Variants in TDRKH observed in about 807,000 individuals in gnomAD.
TDRKH encodes the protein tudor and KH domain-containing protein.
A neutral mutation model predicts 61.3 loss-of-function variants in TDRKH; 28 were observed. That is an observed-to-expected ratio of 0.46 (90% CI 0.34 to 0.63). The LOEUF (loss-of-function observed/expected upper bound fraction) is 0.63, where lower values mean the gene tolerates loss of function less well. Among genes scored for constraint, TDRKH ranks in the 20% least tolerant of loss-of-function variants. The probability of loss-of-function intolerance (pLI) is 0.01; values close to 1 mark genes in which losing one functional copy is unlikely to be tolerated. For missense variants in TDRKH, 540 were observed against 683.4 expected, an observed-to-expected ratio of 0.79 and a Z score of 2.34; for synonymous variants, 219 against 244.4, an observed-to-expected ratio of 0.90 and a Z score of 0.97.
rs549315856 is a variant in TDRKH, at chr1:151,783,029, C to T, written c.-7G>A. ...AAGTCCGTTCAGTAGACATTTTCTG[C>T]TGTACTCTTTGACTTATATCCTGAA... On this transcript the variant is annotated 5_prime_UTR_variant, in exon 2 of 13. Transcript: ENST00000368824. The T allele has an allele frequency of 1.2e-6, 2 of 1,611,542 alleles. No individual in the cohort carries two copies. The highest frequency in any genetic ancestry group is 2.2e-5 in the East Asian group (1 of 44,766).
At chr1:151,785,620 G>T (rs1650241627) in intron 1 of TDRKH, among the ~76,000 whole-genome samples, 1 of 152,148 alleles carries the variant, frequency 6.6e-6, no homozygotes, top group Non-Finnish European at 1.5e-5. Flanking sequence ...CCATAGAAGA[G>T]TACCCATGCT....
At chr1:151,766,757 C>CCTTT (rs1349978207), downstream of TDRKH, 6 of 1,559,692 alleles carry the variant, frequency 3.8e-6, no homozygotes, top group Non-Finnish European at 5.2e-6. Context: ...CTGTCTACTC[C>CCTTT]CTTTCTTATA....
chr1:151,776,597 G>C lies in TDRKH; in HGVS notation c.886C>G (p.Pro296Ala), dbSNP rs760402560. 4.3e-6 allele frequency: 7 copies of C among 1,613,962 alleles called. No individual in the cohort carries two copies. The South Asian group carries it at 7.7e-5, about 18-fold the overall frequency. Residue 296 changes from proline to alanine, a missense_variant and splice_region_variant, in exon 7 of 13, where the codon CCC becomes GCC. Around this residue, in one of 3 missense-constraint regions of TDRKH, gnomAD observed 379 missense variants for 443.8 expected, o/e 0.85. Transcript: ENST00000368824. The stretch of plus-strand genomic sequence containing the variant: ...GCATGAAAACTGAAGTCAGGACTGG[G>C]GACTGAACACAGAGATAAGGATGGT... ...AIPEMPMFEI[P>A]SPDFSFHADE... is the part of the protein sequence containing the mutation.
intron 4 of TDRKH, 120 bp downstream of exon 4, chr1:151,779,831 T>C (rs1047494480): frequency 4.9e-6 from 5 of 1,023,560 alleles, no homozygotes; most frequent in African/African-American, 1.6e-5. Context: ...GGTCTCAATG[T>C]CCCTTTTTTT....
rs182399786 is a variant in TDRKH at position 151,775,475 on chromosome 1, G to A, written c.1351C>T (p.Leu451=). 46 of 1,614,162 alleles carry A rather than the reference G, an allele frequency of 2.8e-5. No homozygotes were observed. The African/African-American group carries it at 4.5e-4, about 16-fold the overall frequency. The change falls in exon 10 of 13, where the codon CTG becomes TTG. Residue 451 remains leucine (L), a synonymous_variant. Transcript: ENST00000368824. ...RLTHCADWKP[L]VAKISSYVQT... is the part of the protein sequence containing the mutation. ...ACATAGCTAGAGATCTTGGCTACCAGAGGCTTCCAGTCAGCACAATGAGTG... is the reference window on the plus strand; with the variant it reads ...ACATAGCTAGAGATCTTGGCTACCAAAGGCTTCCAGTCAGCACAATGAGTG...
chr1:151,773,021 G>A (rs906632110), downstream of TDRKH, among the ~76,000 whole-genome samples: 7 of 151,940 alleles, frequency 4.6e-5, no homozygotes, highest in Non-Finnish European at 8.8e-5. Flanking sequence ...CTGCCACCAC[G>A]CCCAGCTAAT....
At chr1:151,781,328 A>AAAATATATATATATATATATAT (rs1491536697) in intron 3 of TDRKH, among the ~76,000 whole-genome samples, 153 bp downstream of exon 3, 3 of 68,586 alleles carry the variant, frequency 4.4e-5, no homozygotes, top group South Asian at 3.7e-4. Context: ...AAAAAAAAAA[A>AAAATATATATATATATATATAT]ATATATATAT....
rs756568070 is a variant in TDRKH, at chr1:151,782,950, C to T, written c.73G>A (p.Ala25Thr). Residue 25 changes from alanine (A) to threonine (T), a missense_variant, in exon 2 of 13, where the codon GCC (alanine) becomes ACC (threonine). Physicochemically the swap from Ala to Thr is moderately conservative, Grantham distance 58. This residue lies in a region of TDRKH where 156 missense variants were observed against 218.0 expected (regional missense o/e 0.72). Coordinates refer to ENST00000368824, the MANE Select transcript of TDRKH (RefSeq NM_001083965.2). ...AGGATATAGGCAACTGTTGCACTGG[C>T]TGGGATCCCAAGGCCCAGGGCTATT... ...QKIALGLGIP[A>T]SATVAYILYR... 8 of 1,613,536 alleles carry T rather than the reference C, an allele frequency of 5.0e-6. No homozygotes were observed. The African/African-American group carries it at 9.4e-5, about 19-fold the overall frequency.
chr1:151,786,269 G>A (rs1055949300), intron 1 of TDRKH, among the ~76,000 whole-genome samples: 7 of 152,134 alleles, frequency 4.6e-5, no homozygotes, highest in African/African-American at 1.4e-4. Context: ...TCTTATCCTC[G>A]AGGAATATGT....
chr1:151,769,531 C>T (rs1373778208), downstream of TDRKH: 2 of 188,640 alleles, frequency 1.1e-5, no homozygotes, highest in Non-Finnish European at 2.2e-5. Context: ...CGGGTAGAGG[C>T]GCTCCCCACA....
Position 151,778,822 on chromosome 1 carries a change from G to C in TDRKH, c.746C>G (p.Pro249Arg). The change falls in exon 6 of 13, where the codon CCC (proline) becomes CGC (arginine). Residue 249 changes from proline to arginine, a missense_variant. This residue lies in a region of TDRKH where 379 missense variants were observed against 443.8 expected (regional missense o/e 0.85). Coordinates refer to ENST00000368824, the MANE Select transcript of TDRKH (RefSeq NM_001083965.2). ...TCCTTTGGGTGGAGGAGTCACCAGG[G>C]GTGCAGTCGGCTCCATGCTAGAACT... ...NTSSSMEPTA[P>R]LVTPPPKGGG... 6.2e-7 allele frequency: 1 copy of C among 1,614,140 alleles called. No homozygotes were observed. The highest frequency in any genetic ancestry group is 8.5e-7 in the Non-Finnish European group (1 of 1,180,016).
At chr1:151,767,346 G>T, downstream of TDRKH, 1 of 1,594,674 alleles carries the variant, frequency 6.3e-7, no homozygotes, top group Non-Finnish European at 8.6e-7. Context: ...CCCTTTTCTT[G>T]CATACCTTGC....
rs746169631 is a variant in TDRKH at position 151,774,049 on chromosome 1, G to A, written c.*403C>T. The A allele has an allele frequency of 1.6e-5, 3 of 186,362 alleles. No homozygotes were observed. The highest frequency in any genetic ancestry group is 1.2e-4 in the South Asian group (1 of 8,662). The allele number at this position is 186,362 out of a possible 1,614,324, so 11.5% of individuals were successfully genotyped here. A position where few individuals can be genotyped will look rare whatever the true frequency, so the allele number is the denominator to read the frequency against. ...ACACTGGAGGGTTGGGGAGGGATCC[G>A]GAGGTGGAATGGGGGAGACACACTT... On this transcript the variant is annotated 3_prime_UTR_variant, in exon 13 of 13. Coordinates refer to ENST00000368824, the MANE Select transcript of TDRKH (RefSeq NM_001083965.2).
At chr1:151,784,711 C>T (rs1472279374) in intron 1 of TDRKH, among the ~76,000 whole-genome samples, 1 of 152,114 alleles carries the variant, frequency 6.6e-6, no homozygotes, top group East Asian at 1.9e-4. Flanking sequence ...GCCCTCTTCT[C>T]TGTTCTACCT....
In TDRKH at chr1:151,775,418, A is replaced by T. The variant is rs1242073267; in HGVS notation, c.1408T>A (p.Tyr470Asn). Residue 470 changes from tyrosine (Y) to asparagine (N), a missense_variant, in exon 10 of 13, where the codon TAC becomes AAC. Around this residue, in one of 3 missense-constraint regions of TDRKH, gnomAD observed 379 missense variants for 443.8 expected, o/e 0.85. Coordinates refer to ENST00000368824, the MANE Select transcript of TDRKH (RefSeq NM_001083965.2). ...QTGISTWPKI[Y>N]LYDTSNGKKL... ...TTCCCATTGCTAGTATCATATAAGT[A>T]GATCTTTGGCCAAGTTGAGATCCCA... 1.9e-6 allele frequency: 3 copies of T among 1,613,808 alleles called. No homozygotes were observed. Among genetic ancestry groups the T allele is most frequent in the Admixed American group, 3.3e-5 (2 of 59,956 alleles).
At chr1:151,767,340 T>C, downstream of TDRKH, 1 of 1,599,952 alleles carries the variant, frequency 6.3e-7, no homozygotes, top group African/African-American at 1.3e-5. Context: ...GGGCAACCCT[T>C]TTCTTGCATA....
downstream of TDRKH, chr1:151,766,803 A>C (rs1260735097): frequency 1.2e-6 from 2 of 1,601,796 alleles, no homozygotes; most frequent in African/African-American, 2.7e-5. Context: ...CCTCTACCCG[A>C]TCTGGTCACC....
chr1:151,772,194 G>A (rs1038552547), downstream of TDRKH, among the ~76,000 whole-genome samples: 2 of 152,074 alleles, frequency 1.3e-5, no homozygotes, highest in Non-Finnish European at 2.9e-5. Flanking sequence ...CTGCTTCCCT[G>A]GGCTCAAGCG....
At chr1:151,771,237 C>T (rs1558133968), downstream of TDRKH, 1 of 1,608,928 alleles carries the variant, frequency 6.2e-7, no homozygotes, top group Admixed American at 1.7e-5. Context: ...TATTCCAACG[C>T]TTTGAGGGGC....
Sources: allele counts gnomAD v4.1 joint callset (sites outside exome capture counted in the v4.1 genomes callset), GRCh38; gene constraint gnomAD v4.1.1; regional missense constraint gnomAD v4.1.1; transcripts MANE v1.5; gene names NCBI Gene and HGNC (gene_info 2026-07-23, HGNC 2026-07-21).